USP13: variants seen among roughly 807,000 people sequenced by gnomAD.
The protein encoded by USP13 is ubiquitin carboxyl-terminal hydrolase 13.
A neutral mutation model predicts 107.8 loss-of-function variants in USP13; 68 were observed. That is an observed-to-expected ratio of 0.63 (90% CI 0.52 to 0.77). The LOEUF (loss-of-function observed/expected upper bound fraction) is 0.77, where lower values mean the gene tolerates loss of function less well. Among genes scored for constraint, USP13 ranks in the 30% least tolerant of loss-of-function variants. USP13 has a pLI of 0.00. For synonymous variants in USP13, 377 were observed against 389.5 expected, an observed-to-expected ratio of 0.97 and a Z score of 0.38; for missense variants, 945 against 1,093.3, an observed-to-expected ratio of 0.86 and a Z score of 1.91.
chr3:179,776,278 A>G (rs991405196), intron 19 of USP13, among the ~76,000 whole-genome samples: 5 of 152,070 alleles, frequency 3.3e-5, no homozygotes, highest in Non-Finnish European at 7.4e-5. Flanking sequence ...CAGTACAGGA[A>G]CAGGTTGTGG....
At chr3:179,761,376 C>A in intron 17 of USP13, 121 bp downstream of exon 17, 3 of 1,293,680 alleles carry the variant, frequency 2.3e-6, no homozygotes, top group Non-Finnish European at 3.1e-6. Flanking sequence ...AGTTCCTAAT[C>A]TCCTGCAGTG....
At chr3:179,754,677 T>TA (rs899330716) in intron 14 of USP13, 55 bp from the exon 15 acceptor site, 23 of 1,574,812 alleles carry the variant, frequency 1.5e-5, no homozygotes, top group Middle Eastern at 3.4e-4. Context: ...AGTGCTGGTA[T>TA]TATAATAAGG....
At chr3:179,756,611 C>T (rs1167335031) in intron 15 of USP13, among the ~76,000 whole-genome samples, 1 of 151,816 alleles carries the variant, frequency 6.6e-6, no homozygotes, top group African/African-American at 2.4e-5. Context: ...GTTTGCCAGG[C>T]GTGGTGACTG....
intron 2 of USP13, among the ~76,000 whole-genome samples, chr3:179,686,871 G>A (rs765926764): frequency 3.9e-5 from 6 of 152,186 alleles, no homozygotes; most frequent in Non-Finnish European, 7.3e-5. Context: ...TTCCTCTCCT[G>A]TTTTCTTTGA....
intron 4 of USP13, among the ~76,000 whole-genome samples, chr3:179,704,721 G>A (rs557975878): frequency 6.6e-6 from 1 of 152,284 alleles, no homozygotes; most frequent in East Asian, 1.9e-4. Flanking sequence ...AAAATGGAAA[G>A]AAAAAGCTAA....
At chr3:179,674,708 C>G (rs1037571828) in intron 1 of USP13, among the ~76,000 whole-genome samples, 1 of 151,712 alleles carries the variant, frequency 6.6e-6, no homozygotes, top group Admixed American at 6.6e-5. Flanking sequence ...TCTAGAAAGG[C>G]TGAGCCGATT....
intron 11 of USP13, 57 bp downstream of exon 11, chr3:179,740,429 T>C: frequency 6.2e-7 from 1 of 1,610,158 alleles, no homozygotes; most frequent in African/African-American, 1.3e-5. Flanking sequence ...GCCGAGCCAC[T>C]CAGTGCAGTC....
intron 13 of USP13, among the ~76,000 whole-genome samples, chr3:179,749,775 C>T (rs111234169): frequency 7.2e-5 from 11 of 152,236 alleles, no homozygotes; most frequent in South Asian, 2.1e-4. Flanking sequence ...ATTCCACTAC[C>T]GCTATTATGG....
chr3:179,769,403 T>A (rs749615131), intron 19 of USP13, among the ~76,000 whole-genome samples: 7 of 152,174 alleles, frequency 4.6e-5, no homozygotes, highest in African/African-American at 7.2e-5. Context: ...ACCACTATGA[T>A]TTTTAAATAA....
At chr3:179,702,266 G>A (rs776390702) in intron 4 of USP13, among the ~76,000 whole-genome samples, 1 of 152,128 alleles carries the variant, frequency 6.6e-6, no homozygotes, top group Non-Finnish European at 1.5e-5. Flanking sequence ...TGATCCACCT[G>A]CCTCGGCCTC....
intron 19 of USP13, among the ~76,000 whole-genome samples, chr3:179,776,027 C>T (rs781170749): frequency 6.6e-6 from 1 of 152,168 alleles, no homozygotes; most frequent in African/African-American, 2.4e-5. Context: ...GCTGCCAGCA[C>T]GTTGTCACCT....
At position 179,708,794 on chromosome 3, in the gene USP13, C is replaced by T. The variant is rs11917211; in HGVS notation, c.642C>T (p.Cys214=). The stretch of plus-strand genomic sequence containing the variant: ...CCAGTGGTTGGAAGTGTGCCAGATG[C>T]GACCTGCGAGAAAACCTCTGGTTGA... ...IPPSGWKCAR[C]DLRENLWLNL... Residue 214 remains cysteine (C), a synonymous_variant, in exon 6 of 21, where the codon TGC becomes TGT. Transcript: ENST00000263966. 3.4e-3 allele frequency: 5,470 copies of T among 1,614,068 alleles called. 177 individuals carry two copies. The African/African-American group carries it at 0.064, about 19-fold the overall frequency.
At chr3:179,759,227 C>T (rs548379429) in intron 16 of USP13, among the ~76,000 whole-genome samples, 19 of 152,198 alleles carry the variant, frequency 1.2e-4, no homozygotes, top group Admixed American at 7.8e-4. Context: ...GTCATCTGCC[C>T]GCCTTGGCCT....
Position 179,721,623 on chromosome 3 carries a change from C to A in USP13, c.1088+34C>A. ...CTTCCATGCAGACCAGGGCACGCGG[C>A]ACCTCCCTGCCCCATCTAGGTCCAG... On this transcript the variant is annotated intron_variant, in intron 8 of 20. Coordinates refer to ENST00000263966, the MANE Select transcript of USP13 (RefSeq NM_003940.3). This position sits in a 1 kb window ranked among gnomAD's most constrained non-coding sequence, Gnocchi z 4.3. 6.2e-7 allele frequency: 1 copy of A among 1,601,398 alleles called. No individual in the cohort carries two copies. The highest frequency in any genetic ancestry group is 8.5e-7 in the Non-Finnish European group (1 of 1,173,802).
intron 19 of USP13, among the ~76,000 whole-genome samples, chr3:179,778,271 A>C (rs1715615183): frequency 6.6e-6 from 1 of 152,228 alleles, no homozygotes; most frequent in African/African-American, 2.4e-5. Flanking sequence ...ACAAGTGAGG[A>C]AATGAAGCGA....
chr3:179,762,592 A>G lies in USP13; in HGVS notation c.2092+1337A>G, dbSNP rs530517946. ...TGAGACTCCATCTAAAATAATAATA[A>G]TAATAACAATAATAATAGTCTATTT... On this transcript the variant is annotated intron_variant, in intron 17 of 20. Transcript: ENST00000263966. Among the ~76,000 whole-genome samples the G allele has an allele frequency of 3.2e-4, 48 of 152,176 alleles. No individual in the cohort carries two copies. In the South Asian group the frequency reaches 9.3e-3, roughly 30 times the overall value.
intron 19 of USP13, among the ~76,000 whole-genome samples, chr3:179,767,739 C>T (rs765998189): frequency 3.3e-5 from 5 of 152,084 alleles, no homozygotes; most frequent in African/African-American, 4.8e-5. Flanking sequence ...TGGTGCTAGA[C>T]ACATAGAAAG....
chr3:179,763,983 GT>G lies in USP13; in HGVS notation c.2093-18del. The G allele has an allele frequency of 6.3e-7, 1 of 1,588,068 alleles. No individual in the cohort carries two copies. Among genetic ancestry groups the G allele is most frequent in the Non-Finnish European group, 8.5e-7 (1 of 1,172,472 alleles). On this transcript the variant is annotated intron_variant, in intron 17 of 20. Coordinates refer to ENST00000263966, the MANE Select transcript of USP13 (RefSeq NM_003940.3). ...AAAAAAAAAAAAGGAAAAGACTTGG[GT>G]GTGGTTATTTTTCTCAGATTTTGCT...
intron 7 of USP13, among the ~76,000 whole-genome samples, chr3:179,720,870 G>A (rs1444212288): frequency 2.0e-5 from 3 of 150,540 alleles, no homozygotes; most frequent in East Asian, 1.9e-4. Context: ...GTGCAGTGGC[G>A]CGATCTCAGC....
Sources: gnomAD v4.1 joint callset for allele counts (sites outside exome capture counted in the v4.1 genomes callset) on GRCh38, gnomAD v4.1.1 for gene constraint, Gnocchi (gnomAD v3.1) non-coding constraint, MANE v1.5 for transcripts, NCBI Gene and HGNC (gene_info 2026-07-23, HGNC 2026-07-21) for gene names.